MSI2: variants seen among roughly 807,000 people sequenced by gnomAD.
MSI2 encodes musashi RNA binding protein 2, also known as RNA-binding protein Musashi homolog 2.
A neutral mutation model predicts 45.6 loss-of-function variants in MSI2; 17 were observed. The ratio of observed to expected loss-of-function variants is 0.37; its 90% confidence interval spans 0.26 to 0.56. MSI2 has a LOEUF of 0.56. MSI2 is among the 20% of genes least tolerant of loss of function. MSI2 has a pLI of 0.77. For missense variants in MSI2, 293 were observed against 444.2 expected (o/e 0.66, Z 3.06); for synonymous variants, 156 against 158.2 (o/e 0.99, Z 0.11).
intron 5 of MSI2, among the ~76,000 whole-genome samples, chr17:57,326,365 G>A (rs746531254): frequency 3.3e-5 from 5 of 152,122 alleles, no homozygotes; most frequent in Non-Finnish European, 5.9e-5. Context: ...GAGGAGGTGG[G>A]TACTGTAGGC....
chr17:57,429,829 A>G lies in MSI2; in HGVS notation c.405+28358A>G, dbSNP rs1037526264. 2.2e-4 allele frequency among the ~76,000 whole-genome samples: 33 copies of G among 152,104 alleles called. 1 individual carries two copies. On this transcript the variant is annotated intron_variant, in intron 6 of 13. Transcript: ENST00000284073. ...AGCATTCTGGTGTGTGTCCTTCCAC[A>G]CTTTGAGCGCATTCACTCTGCAGTT... is the stretch of plus-strand genomic sequence containing the variant.
At chr17:57,526,406 TGTGA>T (rs2086702318) in intron 6 of MSI2, among the ~76,000 whole-genome samples, 1 of 120,906 alleles carries the variant, frequency 8.3e-6, no homozygotes, top group Non-Finnish European at 1.7e-5. Flanking sequence ...TGTGTGTGTG[TGTGA>T]CAGAGAGAGA....
At chr17:57,500,557 G>A (rs1265753971) in intron 6 of MSI2, among the ~76,000 whole-genome samples, 1 of 151,944 alleles carries the variant, frequency 6.6e-6, no homozygotes. Context: ...CCACTGTCAG[G>A]AGAGGAAGGG....
At chr17:57,622,491 C>T (rs1908397825) in intron 9 of MSI2, among the ~76,000 whole-genome samples, 1 of 152,158 alleles carries the variant, frequency 6.6e-6, no homozygotes, top group Admixed American at 6.5e-5. Context: ...ATTGCTGAGC[C>T]CTCAAAGAAA....
chr17:57,671,772 G>T (rs956640459), intron 11 of MSI2, among the ~76,000 whole-genome samples: 8 of 152,254 alleles, frequency 5.3e-5, no homozygotes, highest in African/African-American at 1.7e-4. Flanking sequence ...AGCAGGAACA[G>T]CTACTGACAA....
At chr17:57,476,871 T>G (rs1055166344) in intron 6 of MSI2, among the ~76,000 whole-genome samples, 3 of 152,138 alleles carry the variant, frequency 2.0e-5, no homozygotes, top group Non-Finnish European at 2.9e-5. Flanking sequence ...AAATACCTGG[T>G]TCTCCTCCCA....
intron 6 of MSI2, among the ~76,000 whole-genome samples, chr17:57,514,650 C>CTTT (rs11318524): frequency 3.7e-5 from 5 of 135,320 alleles, no homozygotes; most frequent in South Asian, 2.3e-4. Context: ...TGAATTGATA[C>CTTT]TTTTTTTTTT....
chr17:57,569,331 A>C (rs1168616808), intron 7 of MSI2, among the ~76,000 whole-genome samples: 1 of 152,190 alleles, frequency 6.6e-6, no homozygotes, highest in African/African-American at 2.4e-5. Flanking sequence ...TCCTTCCTAG[A>C]ACATCTGGAA....
intron 10 of MSI2, among the ~76,000 whole-genome samples, chr17:57,644,238 T>C (rs548928764): frequency 1.2e-4 from 15 of 129,692 alleles, no homozygotes; most frequent in Admixed American, 2.3e-4. Context: ...TTTTTTCAAA[T>C]GGAAATACAT....
At chr17:57,467,487 A>C (rs2143661066) in intron 6 of MSI2, among the ~76,000 whole-genome samples, 1 of 152,318 alleles carries the variant, frequency 6.6e-6, no homozygotes, top group African/African-American at 2.4e-5. Context: ...GATAGACAGA[A>C]GGGCAGATGA....
chr17:57,471,068 T>A (rs1598306107), intron 6 of MSI2, among the ~76,000 whole-genome samples: 2 of 152,198 alleles, frequency 1.3e-5, no homozygotes, highest in South Asian at 4.2e-4. Context: ...AGAGCAGAGG[T>A]TGGGGACCCC....
intron 6 of MSI2, among the ~76,000 whole-genome samples, chr17:57,465,145 A>G (rs2143647094): frequency 6.6e-6 from 1 of 152,340 alleles, no homozygotes; most frequent in African/African-American, 2.4e-5. Flanking sequence ...TAACATGATT[A>G]GATGACTAGT....
At chr17:57,328,660 A>G (rs2143714308) in intron 5 of MSI2, among the ~76,000 whole-genome samples, 1 of 152,302 alleles carries the variant, frequency 6.6e-6, no homozygotes, top group South Asian at 2.1e-4. Flanking sequence ...TAATTTAACT[A>G]ATCCTCTGTG....
rs182939364 is a variant in MSI2 at position 57,656,615 on chromosome 17, T to A, written c.790+4454T>A. Among the ~76,000 whole-genome samples, 9 of 152,284 alleles carry A rather than the reference T, an allele frequency of 5.9e-5. No homozygotes were observed. The East Asian group carries it at 1.4e-3, about 23-fold the overall frequency. On this transcript the variant is annotated intron_variant, in intron 11 of 13. Transcript: ENST00000284073. Reference sequence around the variant, plus strand: ...AGGGAATGCACTTGGCCCTAGTGAATCATTGCTATTTGTTCTTAGGGTTGG... The same window carrying A: ...AGGGAATGCACTTGGCCCTAGTGAAACATTGCTATTTGTTCTTAGGGTTGG...
Position 57,639,353 on chromosome 17 carries a change from C to T in MSI2, c.727+12050C>T, listed in dbSNP as rs147627709. On this transcript the variant is annotated intron_variant, in intron 10 of 13. Coordinates refer to ENST00000284073, the MANE Select transcript of MSI2 (RefSeq NM_138962.4). ...TGTCTTCCCTCCCTCGCATTCCTACCTCCATGGATTCCCCATCTGGGCAGA... is the reference window on the plus strand; with the variant it reads ...TGTCTTCCCTCCCTCGCATTCCTACTTCCATGGATTCCCCATCTGGGCAGA... Among the ~76,000 whole-genome samples the T allele has an allele frequency of 6.5e-4, 99 of 152,362 alleles. 1 individual carries two copies. Among genetic ancestry groups the T allele is most frequent in the Middle Eastern group, 6.8e-3 (2 of 294 alleles).
intron 8 of MSI2, among the ~76,000 whole-genome samples, chr17:57,615,695 C>T (rs1907621153): frequency 6.6e-6 from 1 of 152,214 alleles, no homozygotes; most frequent in Non-Finnish European, 1.5e-5. Flanking sequence ...CGAGCGTCAG[C>T]CTGAGCTTCA....
At chr17:57,631,813 C>T in intron 10 of MSI2, 1 of 1,613,604 alleles carries the variant, frequency 6.2e-7, no homozygotes, top group Non-Finnish European at 8.5e-7. Context: ...TTTCACAAGA[C>T]ATAATTTTTA....
At chr17:57,694,094 A>G in the MSI2 span, among the ~76,000 whole-genome samples, 1 of 152,234 alleles carries the variant, frequency 6.6e-6, no homozygotes, top group Non-Finnish European at 1.5e-5. Flanking sequence ...ATGCTTCAAC[A>G]GCAGAGTTGA....
chr17:57,526,014 C>T (rs1309167430), intron 6 of MSI2, among the ~76,000 whole-genome samples: 1 of 152,126 alleles, frequency 6.6e-6, no homozygotes, highest in Non-Finnish European at 1.5e-5. Flanking sequence ...ATCACAAGGT[C>T]AGGAGTTCAA....
Sources: gnomAD v4.1 joint callset for allele counts (sites outside exome capture counted in the v4.1 genomes callset) on GRCh38, gnomAD v4.1.1 for gene constraint, MANE v1.5 for transcripts, NCBI Gene and HGNC (gene_info 2026-07-23, HGNC 2026-07-21) for gene names.